KNTC1: variants seen among roughly 807,000 people sequenced by gnomAD.
The protein encoded by KNTC1 is kinetochore-associated protein 1.
KNTC1 carries 253 observed loss-of-function variants against 314.4 expected under a neutral mutation model. The ratio of observed to expected loss-of-function variants is 0.80; its 90% CI spans 0.73 to 0.89. KNTC1 has a LOEUF of 0.89. Among genes scored for constraint, KNTC1 ranks in the 40% least tolerant of loss-of-function variants. The probability of loss-of-function intolerance (pLI) is 0.00; values close to 1 mark genes in which losing one functional copy is unlikely to be tolerated. For missense variants in KNTC1, 2,475 were observed against 2,572.9 expected, an observed-to-expected ratio of 0.96 and a Z score of 0.82; for synonymous variants, 901 against 901.4, an observed-to-expected ratio of 1.00 and a Z score of 0.01.
intron 36 of KNTC1, 53 bp downstream of exon 36, chr12:122,585,043 C>CTT (rs111624734): frequency 4.9e-4 from 399 of 815,158 alleles, no homozygotes; most frequent in South Asian, 1.0e-3. Context: ...CATTATGCAC[C>CTT]TTTTTTTTTT....
intron 2 of KNTC1, among the ~76,000 whole-genome samples, chr12:122,531,662 A>T (rs1349139332): frequency 1.3e-5 from 2 of 152,074 alleles, no homozygotes; most frequent in Admixed American, 6.6e-5. Context: ...TCTTTTTTTT[A>T]AATTTTTTGA....
At chr12:122,546,756 T>C in intron 10 of KNTC1, 82 bp downstream of exon 10, 1 of 849,054 alleles carries the variant, frequency 1.2e-6, no homozygotes, top group Non-Finnish European at 1.9e-6. Flanking sequence ...GCAAGGGTTT[T>C]AGCTAGGGTG....
intron 63 of KNTC1, 39 bp downstream of exon 63, chr12:122,624,727 T>C (rs1219834810): frequency 1.4e-6 from 2 of 1,404,720 alleles, no homozygotes; most frequent in Non-Finnish European, 2.0e-6. Flanking sequence ...TAACTTGACA[T>C]TGTTTATATT....
At chr12:122,608,556 C>T (rs549423111) in intron 51 of KNTC1, among the ~76,000 whole-genome samples, 3 of 152,230 alleles carry the variant, frequency 2.0e-5, no homozygotes, top group Admixed American at 1.3e-4. Flanking sequence ...ATCTTGGCCA[C>T]GTAGAATATG....
At chr12:122,592,105 C>T (rs947748997) in intron 42 of KNTC1, among the ~76,000 whole-genome samples, 13 of 151,798 alleles carry the variant, frequency 8.6e-5, no homozygotes, top group Non-Finnish European at 1.9e-4. Flanking sequence ...GCTTGGCGGG[C>T]CCTGCACTCG....
At chr12:122,557,133 A>G (rs956976727) in intron 16 of KNTC1, among the ~76,000 whole-genome samples, 5 of 152,138 alleles carry the variant, frequency 3.3e-5, no homozygotes, top group African/African-American at 1.2e-4. Flanking sequence ...ATCTTAGCTC[A>G]TATAAAGCTC....
Position 122,582,754 on chromosome 12 carries a change from T to G in KNTC1, c.3032T>G (p.Leu1011Arg). 6.2e-7 allele frequency: 1 copy of G among 1,612,448 alleles called. No homozygotes were observed. Among genetic ancestry groups the G allele is most frequent in the Non-Finnish European group, 8.5e-7 (1 of 1,179,574 alleles). Residue 1011 changes from leucine (L) to arginine (R), a missense_variant, in exon 34 of 64, where the codon CTG becomes CGG. Leu to Arg is a moderately radical substitution (Grantham distance 102). Coordinates refer to ENST00000333479, the MANE Select transcript of KNTC1 (RefSeq NM_014708.6). Reference protein sequence around the residue: ...LSFEDYSNSSLVADLREQHIK... With the variant: ...LSFEDYSNSSRVADLREQHIK... ...TTTGAAGATTATAGCAATAGTTCCC[T>G]GGTAGCAGATCTCCGTGAGCAGCAC...
At chr12:122,529,918 A>T in intron 1 of KNTC1, 73 bp from the exon 2 acceptor site, 1 of 762,086 alleles carries the variant, frequency 1.3e-6, no homozygotes, top group Non-Finnish European at 2.0e-6. Context: ...TGTATATGTT[A>T]ATGTTAGACT....
intron 17 of KNTC1, 36 bp downstream of exon 17, chr12:122,557,545 T>G: frequency 1.2e-6 from 2 of 1,612,026 alleles, no homozygotes; most frequent in Non-Finnish European, 1.7e-6. Flanking sequence ...AGTATTTAGA[T>G]TGACGTGTTG....
intron 18 of KNTC1, 146 bp from the exon 19 acceptor site, chr12:122,561,775 A>G: frequency 5.0e-6 from 3 of 598,166 alleles, no homozygotes; most frequent in Non-Finnish European, 8.5e-6. Flanking sequence ...TTTAAAAAAC[A>G]TGTCAGTTCT....
At chr12:122,587,202 C>T (rs1213135668) in intron 38 of KNTC1, among the ~76,000 whole-genome samples, 1 of 152,032 alleles carries the variant, frequency 6.6e-6, no homozygotes, top group African/African-American at 2.4e-5. Context: ...TCTCTTGAGC[C>T]CAGGAGGTCA....
intron 20 of KNTC1, among the ~76,000 whole-genome samples, chr12:122,563,297 T>A (rs1490759091): frequency 1.3e-5 from 2 of 152,058 alleles, no homozygotes; most frequent in Non-Finnish European, 2.9e-5. Context: ...TCTGGATAAA[T>A]CAAGTATTTG....
At chr12:122,603,282 A>G in intron 48 of KNTC1, 39 bp downstream of exon 48, 2 of 1,354,626 alleles carry the variant, frequency 1.5e-6, no homozygotes, top group Non-Finnish European at 2.0e-6. Flanking sequence ...TAAAAAAAAA[A>G]AAAAAGTACT....
In KNTC1 at chr12:122,620,586, A is replaced by T; in HGVS notation, c.6257A>T (p.Glu2086Val). 6.2e-7 allele frequency: 1 copy of T among 1,613,670 alleles called. No homozygotes were observed. The highest frequency in any genetic ancestry group is 1.1e-5 in the South Asian group (1 of 91,038). The change falls in exon 60 of 64, where the codon GAG (glutamate) becomes GTG (valine). Residue 2086 changes from glutamate to valine, a missense_variant. Coordinates refer to ENST00000333479, the MANE Select transcript of KNTC1 (RefSeq NM_014708.6). ...LACLMLMPHS[E>V]KRHQQIKNFL... Reference sequence around the variant, plus strand: ...TGTCTGATGCTCATGCCCCACTCAGAGAAAAGACACCAGCAAATTAAGGTA... The same window carrying T: ...TGTCTGATGCTCATGCCCCACTCAGTGAAAAGACACCAGCAAATTAAGGTA...
At chr12:122,580,262 A>G (rs1333807810) in intron 32 of KNTC1, among the ~76,000 whole-genome samples, 1 of 152,070 alleles carries the variant, frequency 6.6e-6, no homozygotes, top group African/African-American at 2.4e-5. Context: ...CATTTTTCTC[A>G]TTTATCAGTT....
chr12:122,543,808 T>C (rs931538008), intron 7 of KNTC1, among the ~76,000 whole-genome samples, 174 bp downstream of exon 7: 4 of 152,198 alleles, frequency 2.6e-5, no homozygotes, highest in Non-Finnish European at 4.4e-5. Flanking sequence ...CCCAGCACTT[T>C]GGGAGGCCAA....
At chr12:122,529,878 C>T (rs1795352856) in intron 1 of KNTC1, 113 bp from the exon 2 acceptor site, 1 of 500,440 alleles carries the variant, frequency 2.0e-6, no homozygotes, top group East Asian at 3.7e-5. Flanking sequence ...TGTTTAGTGG[C>T]CACAGCAATA....
intron 44 of KNTC1, among the ~76,000 whole-genome samples, chr12:122,600,092 T>G (rs921469075): frequency 5.3e-5 from 8 of 152,022 alleles, no homozygotes; most frequent in Non-Finnish European, 1.2e-4. Flanking sequence ...TTTTTTTGTT[T>G]TTGTTTTTGT....
intron 51 of KNTC1, among the ~76,000 whole-genome samples, chr12:122,606,464 C>A (rs746117538): frequency 2.0e-5 from 3 of 151,894 alleles, no homozygotes; most frequent in Non-Finnish European, 4.4e-5. Context: ...GTGATCCGCC[C>A]GCCTTGGCCT....
Sources: allele counts gnomAD v4.1 joint callset (sites outside exome capture counted in the v4.1 genomes callset), GRCh38; gene constraint gnomAD v4.1.1; transcripts MANE v1.5; gene names NCBI Gene and HGNC (gene_info 2026-07-23, HGNC 2026-07-21).